Variants in NEGR1 observed in about 807,000 individuals in gnomAD.
NEGR1 encodes the protein IgLON family member 4.
In NEGR1, 10 loss-of-function variants were observed where a neutral mutation model predicts 40.9. The ratio of observed to expected loss-of-function variants is 0.24; its 90% CI spans 0.15 to 0.42. NEGR1 has a LOEUF of 0.42. Ranked by LOEUF, NEGR1 falls within the 10% of genes least tolerant of loss-of-function variation. NEGR1 has a pLI of 1.00. For missense variants in NEGR1, 352 were observed against 438.9 expected (o/e 0.80, Z 1.77); for synonymous variants, 185 against 166.8 (o/e 1.11, Z -0.84).
Position 71,615,890 on chromosome 1 carries a change from T to C in NEGR1, c.668-4744A>G, listed in dbSNP as rs149933655. ...AATCCTTAGGATAATGAGAAAGTCA[T>C]TGGCCAATGCATAGAAAAGGCAGAA... is the stretch of plus-strand genomic sequence containing the variant. On this transcript the variant is annotated intron_variant, in intron 4 of 6. Coordinates refer to ENST00000357731, the MANE Select transcript of NEGR1 (RefSeq NM_173808.3). Among the ~76,000 whole-genome samples, 370 of 152,274 alleles carry C rather than the reference T, an allele frequency of 2.4e-3. 5 individuals carry two copies. The East Asian group carries it at 0.039, about 16-fold the overall frequency.
At position 71,920,142 on chromosome 1, in the gene NEGR1, A is replaced by G. The variant is rs150309052; in HGVS notation, c.409+14937T>C. 1.1e-3 allele frequency among the ~76,000 whole-genome samples: 165 copies of G among 152,266 alleles called. 1 individual carries two copies. Among genetic ancestry groups the G allele is most frequent in the African/African-American group, 4.0e-3 (165 of 41,568 alleles). ...CACCTCCAAGCCATCTCCAGCTCCG[A>G]GGAGCTGTACATTTGAGTATCTCTT... On this transcript the variant is annotated intron_variant, in intron 2 of 6. Coordinates refer to ENST00000357731, the MANE Select transcript of NEGR1 (RefSeq NM_173808.3).
At chr1:71,648,240 C>T (rs1651596866) in intron 4 of NEGR1, among the ~76,000 whole-genome samples, 1 of 151,860 alleles carries the variant, frequency 6.6e-6, no homozygotes. Flanking sequence ...ATTACCTGAC[C>T]ACAGGGAAGA....
intron 1 of NEGR1, among the ~76,000 whole-genome samples, chr1:72,047,546 A>G (rs1157039978): frequency 6.6e-6 from 1 of 151,404 alleles, no homozygotes; most frequent in Non-Finnish European, 1.5e-5. Context: ...ATTATAAGTA[A>G]TCCACTAAAA....
intron 2 of NEGR1, among the ~76,000 whole-genome samples, chr1:71,914,668 G>A (rs75762183): frequency 3.3e-4 from 50 of 152,248 alleles, no homozygotes; most frequent in Middle Eastern, 3.4e-3. Context: ...TATTCAGTCC[G>A]ATGGAAAGAT....
chr1:71,407,334 A>C lies in NEGR1; in HGVS notation c.*112T>G, dbSNP rs1279826324. 2.3e-6 allele frequency: 2 copies of C among 879,688 alleles called. No homozygotes were observed. The highest frequency in any genetic ancestry group is 3.6e-6 in the Non-Finnish European group (2 of 560,968). 54.5% of individuals were successfully genotyped at this position (879,688 alleles called of 1,614,324 possible). On this transcript the variant is annotated 3_prime_UTR_variant, in exon 7 of 7. Transcript: ENST00000357731. ...AATTCTACAGAAGGCGATCATCCCC[A>C]TGTAAGCACTGCTGATTATATCCCA...
intron 4 of NEGR1, among the ~76,000 whole-genome samples, chr1:71,623,815 G>T (rs547760264): frequency 6.6e-6 from 1 of 151,908 alleles, no homozygotes; most frequent in East Asian, 1.9e-4. Context: ...GAAAGAAAAT[G>T]TCATCCTTCT....
intron 1 of NEGR1, among the ~76,000 whole-genome samples, chr1:72,027,223 G>A (rs1356033368): frequency 1.3e-5 from 2 of 152,070 alleles, no homozygotes; most frequent in Non-Finnish European, 2.9e-5. Flanking sequence ...ACCGCACCCG[G>A]CCCAAGACTC....
At chr1:71,547,240 G>A (rs1288562183) in intron 6 of NEGR1, among the ~76,000 whole-genome samples, 1 of 151,630 alleles carries the variant, frequency 6.6e-6, no homozygotes, top group African/African-American at 2.4e-5. Context: ...CGATTTTACT[G>A]CCAACTCCAA....
At chr1:71,968,348 T>C (rs1337354793) in intron 1 of NEGR1, among the ~76,000 whole-genome samples, 1 of 152,190 alleles carries the variant, frequency 6.6e-6, no homozygotes, top group Non-Finnish European at 1.5e-5. Flanking sequence ...ACAAAACAAC[T>C]TTGGGATATC....
At chr1:72,172,946 C>T (rs1264492462) in intron 1 of NEGR1, among the ~76,000 whole-genome samples, 1 of 152,022 alleles carries the variant, frequency 6.6e-6, no homozygotes, top group African/African-American at 2.4e-5. Flanking sequence ...CTTGTGCCCA[C>T]CTGAATAATC....
At chr1:72,233,871 C>T (rs1211923) in intron 1 of NEGR1, among the ~76,000 whole-genome samples, 14,707 of 152,094 alleles carry the variant, frequency 0.097, 1,823 homozygotes, top group African/African-American at 0.29. Flanking sequence ...AATCTCCAAA[C>T]TGCCTGCCAA....
At chr1:72,026,190 C>T (rs1013233872) in intron 1 of NEGR1, among the ~76,000 whole-genome samples, 7 of 148,858 alleles carry the variant, frequency 4.7e-5, no homozygotes, top group Non-Finnish European at 1.0e-4. Flanking sequence ...AAAGTATTAT[C>T]CCTGCTCTAC....
chr1:72,157,689 A>G (rs1293579274), intron 1 of NEGR1, among the ~76,000 whole-genome samples: 1 of 151,922 alleles, frequency 6.6e-6, no homozygotes, highest in Admixed American at 6.6e-5. Context: ...GACAAAGAAA[A>G]CCTACTGGGG....
chr1:71,685,688 C>T (rs1229188704), intron 4 of NEGR1, among the ~76,000 whole-genome samples: 1 of 152,154 alleles, frequency 6.6e-6, no homozygotes, highest in East Asian at 1.9e-4. Context: ...GTGTGTACTC[C>T]ACTTCCCCCT....
chr1:71,879,646 T>G (rs1254720658), intron 2 of NEGR1, among the ~76,000 whole-genome samples: 1 of 152,180 alleles, frequency 6.6e-6, no homozygotes, highest in Non-Finnish European at 1.5e-5. Flanking sequence ...ACATTACAGA[T>G]AATTTTTTTC....
intron 1 of NEGR1, among the ~76,000 whole-genome samples, chr1:72,119,716 T>C (rs1489847372): frequency 2.0e-5 from 3 of 151,940 alleles, no homozygotes; most frequent in Non-Finnish European, 2.9e-5. Context: ...CAGGGGGTTG[T>C]TCTTGGCATG....
intron 4 of NEGR1, among the ~76,000 whole-genome samples, chr1:71,619,238 T>C (rs1408647890): frequency 6.6e-6 from 1 of 152,110 alleles, no homozygotes; most frequent in Non-Finnish European, 1.5e-5. Flanking sequence ...TTTTAAGTAA[T>C]CACAGTGGGC....
intron 3 of NEGR1, among the ~76,000 whole-genome samples, chr1:71,765,526 T>A (rs1656091500): frequency 6.6e-6 from 1 of 152,106 alleles, no homozygotes; most frequent in Non-Finnish European, 1.5e-5. Context: ...TTATAATGAT[T>A]TAAAATTCAG....
chr1:71,571,265 G>A (rs530635660), intron 6 of NEGR1, among the ~76,000 whole-genome samples: 24 of 152,158 alleles, frequency 1.6e-4, no homozygotes, highest in African/African-American at 5.3e-4. Flanking sequence ...TATTTGCTTC[G>A]CAAAGCATAT....
Sources: allele counts gnomAD v4.1 joint callset (sites outside exome capture counted in the v4.1 genomes callset), GRCh38; gene constraint gnomAD v4.1.1; transcripts MANE v1.5; gene names NCBI Gene and HGNC (gene_info 2026-07-23, HGNC 2026-07-21).